The following FXN variants were observed in gnomAD, a reference collection of about 807,000 sequenced individuals.
The protein encoded by FXN is frataxin, mitochondrial.
FXN carries 14 observed loss-of-function variants against 22.4 expected under a neutral mutation model. That is an observed-to-expected ratio of 0.62 (90% CI 0.41 to 0.98). FXN has a LOEUF of 0.98. Among genes scored for constraint, FXN ranks in the 50% least tolerant of loss-of-function variants. The probability of loss-of-function intolerance (pLI) is 0.00; values close to 1 mark genes in which losing one functional copy is unlikely to be tolerated. For missense variants in FXN, 267 were observed against 268.4 expected, an observed-to-expected ratio of 0.99 and a Z score of 0.04; for synonymous variants, 120 against 114.1, an observed-to-expected ratio of 1.05 and a Z score of -0.33.
At chr9:69,062,446 T>G (rs1189101445) in intron 3 of FXN, among the ~76,000 whole-genome samples, 1 of 152,140 alleles carries the variant, frequency 6.6e-6, no homozygotes, top group Admixed American at 6.5e-5. Context: ...TGAAATATAG[T>G]CATACCAAAA....
intron 1 of FXN, among the ~76,000 whole-genome samples, chr9:69,044,561 C>G (rs1831712744): frequency 2.0e-5 from 3 of 152,218 alleles, no homozygotes; most frequent in Admixed American, 2.0e-4. Context: ...AACCAGTGAC[C>G]TTTGGAGAAT....
In FXN at chr9:69,077,618, C is replaced by A; in HGVS notation, c.*4856C>A. On this transcript the variant is annotated 3_prime_UTR_variant, in exon 5 of 5. Coordinates refer to ENST00000484259, the MANE Select transcript of FXN (RefSeq NM_000144.5). ...TGATCTGTGGGAACATTGTTAACGC[C>A]ACATCTTGACCTCAAATTGTTTAGC... The A allele has an allele frequency of 2.0e-6, 2 of 985,368 alleles. No individual in the cohort carries two copies. The highest frequency in any genetic ancestry group is 2.4e-6 in the Non-Finnish European group (2 of 829,968). The allele number at this position is 985,368 out of a possible 1,614,324, so 61.0% of individuals were successfully genotyped here. A position where few individuals can be genotyped will look rare whatever the true frequency, so the allele number is the denominator to read the frequency against.
chr9:69,066,487 G>A (rs1832167565), intron 4 of FXN, among the ~76,000 whole-genome samples: 1 of 152,144 alleles, frequency 6.6e-6, no homozygotes, highest in African/African-American at 2.4e-5. Flanking sequence ...TTCACAGATT[G>A]TATTGGTTTT....
chr9:69,056,738 GTCTT>G (rs1204196081), intron 3 of FXN, among the ~76,000 whole-genome samples: 1 of 151,460 alleles, frequency 6.6e-6, no homozygotes, highest in Non-Finnish European at 1.5e-5. Context: ...GGTGAAGTGA[GTCTT>G]TTTTTTTTTT....
intron 3 of FXN, among the ~76,000 whole-genome samples, chr9:69,056,612 G>A (rs954687714): frequency 6.6e-6 from 1 of 152,204 alleles, no homozygotes; most frequent in African/African-American, 2.4e-5. Flanking sequence ...GGATGACAGG[G>A]CAAGACCCTG....
intron 4 of FXN, among the ~76,000 whole-genome samples, chr9:69,072,020 G>A (rs1463231793): frequency 2.6e-5 from 4 of 152,136 alleles, no homozygotes; most frequent in African/African-American, 4.8e-5. Context: ...TCATATCAGG[G>A]ACTTGAGTAC....
chr9:69,042,873 A>G (rs1183845889), intron 1 of FXN, among the ~76,000 whole-genome samples: 1 of 152,072 alleles, frequency 6.6e-6, no homozygotes, highest in African/African-American at 2.4e-5. Context: ...AATTCCTTCC[A>G]CTGTGCACAG....
At chr9:69,065,747 A>T (rs1587828545) in intron 4 of FXN, among the ~76,000 whole-genome samples, 1 of 152,298 alleles carries the variant, frequency 6.6e-6, no homozygotes, top group East Asian at 1.9e-4. Flanking sequence ...CAGCCTAGAC[A>T]GTTTTCCTCT....
rs1832327720 is a variant in FXN, at chr9:69,074,331, A to G, written c.*1569A>G. The G allele has an allele frequency of 1.2e-5, 12 of 985,418 alleles. No homozygotes were observed. Among genetic ancestry groups the G allele is most frequent in the Non-Finnish European group, 1.4e-5 (12 of 829,918 alleles). 61.0% of individuals were successfully genotyped at this position (985,418 alleles called of 1,614,324 possible). ...ACAAGCCTCCAGGACATTAAAATTC[A>G]TGCAAAGTTATGCTCATGTTATATT... is the stretch of plus-strand genomic sequence containing the variant. On this transcript the variant is annotated 3_prime_UTR_variant, in exon 5 of 5. Transcript: ENST00000484259.
chr9:69,066,222 C>T (rs1305242196), intron 4 of FXN, among the ~76,000 whole-genome samples: 3 of 152,136 alleles, frequency 2.0e-5, no homozygotes, highest in Non-Finnish European at 2.9e-5. Context: ...TGGGAAAGGG[C>T]CAGATAAAAC....
intron 3 of FXN, among the ~76,000 whole-genome samples, chr9:69,055,951 A>C (rs1173030639): frequency 6.6e-6 from 1 of 152,050 alleles, no homozygotes; most frequent in Non-Finnish European, 1.5e-5. Flanking sequence ...TGGCACAATC[A>C]TAGCTCACTG....
At chr9:69,066,778 G>C (rs1291546923) in intron 4 of FXN, among the ~76,000 whole-genome samples, 5 of 151,974 alleles carry the variant, frequency 3.3e-5, no homozygotes, top group African/African-American at 1.2e-4. Flanking sequence ...CCAGCAATAC[G>C]CTCTAGCTGT....
intron 4 of FXN, among the ~76,000 whole-genome samples, chr9:69,070,219 A>AC (rs1333605307): frequency 6.8e-6 from 1 of 147,636 alleles, no homozygotes; most frequent in Non-Finnish European, 1.5e-5. Flanking sequence ...ACACAGTGAG[A>AC]CCCCATCTCA....
intron 4 of FXN, among the ~76,000 whole-genome samples, chr9:69,067,980 C>T (rs537954187): frequency 3.1e-4 from 47 of 152,294 alleles, no homozygotes; most frequent in African/African-American, 1.1e-3. Flanking sequence ...GTATAATGGG[C>T]ATTGATGAGC....
At chr9:69,047,409 G>A (rs1831778887) in intron 2 of FXN, among the ~76,000 whole-genome samples, 1 of 152,030 alleles carries the variant, frequency 6.6e-6, no homozygotes, top group Admixed American at 6.5e-5. Context: ...AACTGCAACT[G>A]TAACTCCATT....
At chr9:69,059,389 A>ATTT (rs1329506700) in intron 3 of FXN, among the ~76,000 whole-genome samples, 4 of 50,002 alleles carry the variant, frequency 8.0e-5, no homozygotes, top group Admixed American at 3.0e-4. Flanking sequence ...CAGAGGCAGC[A>ATTT]TCTTTTTTTT....
intron 4 of FXN, among the ~76,000 whole-genome samples, chr9:69,071,802 C>G (rs939938580): frequency 2.6e-5 from 4 of 152,140 alleles, no homozygotes; most frequent in Non-Finnish European, 4.4e-5. Context: ...TATAGTTGGC[C>G]TTGTGTATCT....
intron 1 of FXN, among the ~76,000 whole-genome samples, chr9:69,046,001 G>A (rs1228486086): frequency 2.0e-5 from 3 of 152,230 alleles, no homozygotes; most frequent in African/African-American, 7.2e-5. Flanking sequence ...AAGGGTGGAA[G>A]TGCCAGGCCA....
chr9:69,074,979 C>G lies in FXN; in HGVS notation c.*2217C>G. 1 of 985,262 alleles carries G rather than the reference C, an allele frequency of 1.0e-6. No homozygotes were observed. Among genetic ancestry groups the G allele is most frequent in the East Asian group, 1.1e-4 (1 of 8,832 alleles). 61.0% of individuals were successfully genotyped at this position (985,262 alleles called of 1,614,324 possible). On this transcript the variant is annotated 3_prime_UTR_variant, in exon 5 of 5. Transcript: ENST00000484259. ...TCGGTGACATGATGTACTCCTTTATCTGGGACACAGCACAAAAGAGGTATG... is the reference window on the plus strand; with the variant it reads ...TCGGTGACATGATGTACTCCTTTATGTGGGACACAGCACAAAAGAGGTATG...
Sources: gnomAD v4.1 joint callset for allele counts (sites outside exome capture counted in the v4.1 genomes callset) on GRCh38, gnomAD v4.1.1 for gene constraint, MANE v1.5 for transcripts, NCBI Gene and HGNC (gene_info 2026-07-23, HGNC 2026-07-21) for gene names.